The following SOX6 variants were observed in gnomAD, a reference collection of about 807,000 sequenced individuals.
The protein encoded by SOX6 is transcription factor SOX-6.
In SOX6, 11 loss-of-function variants were observed where a neutral mutation model predicts 97.8. The ratio of observed to expected loss-of-function variants is 0.11; its 90% CI spans 0.07 to 0.19. The LOEUF (loss-of-function observed/expected upper bound fraction) is 0.19. SOX6 is among the 10% of genes least tolerant of loss of function. The pLI, the probability that SOX6 is intolerant of heterozygous loss-of-function variation, is 1.00. For missense variants in SOX6, 810 were observed against 1,039.5 expected (o/e 0.78, Z 3.04); for synonymous variants, 360 against 371.4 (o/e 0.97, Z 0.35).
At chr11:16,112,428 A>G (rs749788056) in intron 6 of SOX6, among the ~76,000 whole-genome samples, 22 of 152,268 alleles carry the variant, frequency 1.4e-4, no homozygotes, top group Non-Finnish European at 2.4e-4. Context: ...CATTATGTTA[A>G]ACATATAGCT....
intron 3 of SOX6, among the ~76,000 whole-genome samples, chr11:16,710,153 A>C (rs1848166742): frequency 6.6e-6 from 1 of 152,202 alleles, no homozygotes; most frequent in South Asian, 2.1e-4. Flanking sequence ...GGTTTTCACT[A>C]AAGAGCAGAA....
chr11:16,083,070 C>T, intron 9 of SOX6, among the ~76,000 whole-genome samples: 1 of 152,176 alleles, frequency 6.6e-6, no homozygotes, highest in East Asian at 1.9e-4. Context: ...ACTTATACCT[C>T]CTTTTAAGAT....
chr11:16,023,101 T>C (rs1053117893), intron 12 of SOX6: 3 of 152,154 alleles, frequency 2.0e-5, no homozygotes, highest in Non-Finnish European at 4.4e-5. Context: ...AAACATCTGC[T>C]CTGGACAAAA....
At chr11:16,015,172 G>C in intron 12 of SOX6, 122 bp from the exon 13 acceptor site, 2 of 838,712 alleles carry the variant, frequency 2.4e-6, no homozygotes, top group Non-Finnish European at 3.9e-6. Flanking sequence ...GACCAATGTG[G>C]ACTCTGAAAA....
At chr11:16,552,398 TC>T (rs1847699430) in intron 4 of SOX6, among the ~76,000 whole-genome samples, 1 of 152,028 alleles carries the variant, frequency 6.6e-6, no homozygotes, top group South Asian at 2.1e-4. Flanking sequence ...CACCCTCATT[TC>T]CCCCCTCCCA....
In SOX6 at chr11:16,655,048, C is replaced by T. The variant is rs7102533; in HGVS notation, n.430-42788G>A. On this transcript the variant is annotated intron_variant and non_coding_transcript_variant, in intron 3 of 5. Transcript: ENST00000524520. ...GATGGGCAGGAAGAGCAGAGGTGGT[C>T]GGAGAAGGAAAGGAATTTTCTATAG... Among the ~76,000 whole-genome samples, 547 of 152,180 alleles carry T rather than the reference C, an allele frequency of 3.6e-3. 4 individuals carry two copies. Among genetic ancestry groups the T allele is most frequent in the African/African-American group, 0.012 (515 of 41,530 alleles).
intron 9 of SOX6, among the ~76,000 whole-genome samples, chr11:16,070,777 CG>C (rs1207536329): frequency 2.0e-5 from 3 of 151,864 alleles, no homozygotes; most frequent in African/African-American, 7.3e-5. Context: ...AGCCCCCTGG[CG>C]GGGGGGCACA....
chr11:16,236,904 G>A lies in SOX6; in HGVS notation c.446-2233C>T, dbSNP rs192348692. On this transcript the variant is annotated intron_variant, in intron 3 of 15. Transcript: ENST00000683767. ...ATAAAATGGCTAATAACTTCAAAGC[G>A]TTTCGCATTCCTATTAGAAAATTAA... 2.0e-4 allele frequency among the ~76,000 whole-genome samples: 30 copies of A among 151,994 alleles called. 1 individual carries two copies. The highest frequency in any genetic ancestry group is 1.1e-3 in the Admixed American group (17 of 15,218).
intron 3 of SOX6, among the ~76,000 whole-genome samples, chr11:16,639,173 T>C (rs998136569): frequency 5.3e-5 from 8 of 152,234 alleles, no homozygotes; most frequent in Non-Finnish European, 1.2e-4. Context: ...AAATAGGGAA[T>C]CCTTTCCCCA....
intron 1 of SOX6, among the ~76,000 whole-genome samples, chr11:16,353,832 A>T (rs1463586193): frequency 6.6e-6 from 1 of 152,154 alleles, no homozygotes. Flanking sequence ...TGTTAGTTAT[A>T]GGAAAGAATC....
At chr11:16,325,966 T>TCACCAGA (rs1049622492) in intron 2 of SOX6, among the ~76,000 whole-genome samples, 1 of 152,156 alleles carries the variant, frequency 6.6e-6, no homozygotes, top group African/African-American at 2.4e-5. Context: ...GACTGGGCCT[T>TCACCAGA]CACCAGACAC....
intron 3 of SOX6, among the ~76,000 whole-genome samples, chr11:16,624,746 T>C (rs914029494): frequency 2.6e-5 from 4 of 152,248 alleles, no homozygotes; most frequent in East Asian, 3.8e-4. Flanking sequence ...CCACCAGCAA[T>C]GTATGAGAAT....
At chr11:16,412,963 G>A (rs1159665900) in intron 1 of SOX6, among the ~76,000 whole-genome samples, 1 of 152,134 alleles carries the variant, frequency 6.6e-6, no homozygotes, top group Non-Finnish European at 1.5e-5. Context: ...GGAGGAAAAA[G>A]GCAGTTCCAC....
intron 2 of SOX6, among the ~76,000 whole-genome samples, chr11:16,718,618 C>G (rs949776683): frequency 6.6e-6 from 1 of 152,108 alleles, no homozygotes; most frequent in Non-Finnish European, 1.5e-5. Flanking sequence ...AGAAACAAGT[C>G]TGAAACACTG....
intron 13 of SOX6, among the ~76,000 whole-genome samples, chr11:15,999,026 AAGAACTTGCATC>A (rs1488343835): frequency 1.1e-3 from 170 of 152,266 alleles, no homozygotes; most frequent in African/African-American, 4.1e-3. Flanking sequence ...CATATCTGAT[AAGAACTTGCATC>A]TAGGATATAT....
intron 6 of SOX6, among the ~76,000 whole-genome samples, chr11:16,144,609 T>A (rs1052222959): frequency 6.6e-6 from 1 of 151,876 alleles, no homozygotes; most frequent in Non-Finnish European, 1.5e-5. Context: ...CTAGCAAGAC[T>A]AATAAAGAAG....
intron 3 of SOX6, chr11:16,316,209 A>G (rs1221161159): frequency 6.6e-6 from 1 of 151,804 alleles, no homozygotes; most frequent in Non-Finnish European, 1.5e-5. Flanking sequence ...TGATAATAAG[A>G]TCTATTAAAT....
At chr11:16,370,364 C>A (rs1188772633) in intron 1 of SOX6, among the ~76,000 whole-genome samples, 1 of 152,228 alleles carries the variant, frequency 6.6e-6, no homozygotes, top group Admixed American at 6.5e-5. Flanking sequence ...CTAGACATGG[C>A]TATATCTGGT....
At chr11:15,995,185 G>T (rs1434046872) in intron 13 of SOX6, among the ~76,000 whole-genome samples, 1 of 152,132 alleles carries the variant, frequency 6.6e-6, no homozygotes, top group African/African-American at 2.4e-5. Context: ...TTCAGCTGAT[G>T]CCCTTTGCAA....
Sources: gnomAD v4.1 joint callset for allele counts (sites outside exome capture counted in the v4.1 genomes callset) on GRCh38, gnomAD v4.1.1 for gene constraint, MANE v1.5 for transcripts, NCBI Gene and HGNC (gene_info 2026-07-23, HGNC 2026-07-21) for gene names.